TASOR2: variants seen among roughly 807,000 people sequenced by gnomAD.
The protein encoded by TASOR2 is protein TASOR 2.
In TASOR2, 84 loss-of-function variants were observed where a neutral mutation model predicts 199.5. The ratio of observed to expected loss-of-function variants is 0.42; its 90% CI spans 0.35 to 0.50. The LOEUF (loss-of-function observed/expected upper bound fraction) is 0.50, where lower values mean the gene tolerates loss of function less well. Among genes scored for constraint, TASOR2 ranks in the 20% least tolerant of loss-of-function variants. The pLI is 0.02. For synonymous variants in TASOR2, 1,103 were observed against 1,046.6 expected, an observed-to-expected ratio of 1.05 and a Z score of -1.04; for missense variants, 2,796 against 2,835.9, an observed-to-expected ratio of 0.99 and a Z score of 0.32.
intron 13 of TASOR2, 106 bp from the exon 15 acceptor site, chr10:5,741,991 T>TA: frequency 9.3e-7 from 1 of 1,078,422 alleles, no homozygotes; most frequent in Non-Finnish European, 1.3e-6. Context: ...ATTTTAAAAA[T>TA]AAAAACAAAA....
rs1833426968 is a variant in TASOR2 at position 5,722,048 on chromosome 10, G to A, written c.146+1078G>A. Among the ~76,000 whole-genome samples, 1 of 152,068 alleles carries A rather than the reference G, an allele frequency of 6.6e-6. No homozygotes were observed. Among genetic ancestry groups the A allele is most frequent in the Non-Finnish European group, 1.5e-5 (1 of 68,024 alleles). Reference sequence around the variant, plus strand: ...ATTGGAAATTGTTTTCTTTTTTTGTGAAGGAACTTAGTGAGACAGTTGGCA... The same window carrying A: ...ATTGGAAATTGTTTTCTTTTTTTGTAAAGGAACTTAGTGAGACAGTTGGCA... On this transcript the variant is annotated intron_variant, in intron 6 of 20. Transcript: ENST00000328090. This position sits in a 1 kb window ranked among gnomAD's most constrained non-coding sequence, Gnocchi z 4.0.
chr10:5,707,120 G>A lies in TASOR2; in HGVS notation c.-287-5703G>A, dbSNP rs945413271. Among the ~76,000 whole-genome samples the A allele has an allele frequency of 6.6e-5, 10 of 152,256 alleles. No individual in the cohort carries two copies. In the East Asian group the frequency reaches 9.6e-4, roughly 15 times the overall value. On this transcript the variant is annotated intron_variant, in intron 1 of 20. Transcript: ENST00000328090. ...CTATCCATGGCAGCAAAGAAAAAAGGAATTTGCTAAGTTATCTGATGCCAG... is the reference window on the plus strand; with the variant it reads ...CTATCCATGGCAGCAAAGAAAAAAGAAATTTGCTAAGTTATCTGATGCCAG...
rs79931489 is a variant in TASOR2 at position 5,706,969 on chromosome 10, G to A, written c.-287-5854G>A. 0.025 allele frequency among the ~76,000 whole-genome samples: 3,699 copies of A among 150,864 alleles called. 139 individuals are homozygous for A. The highest frequency in any genetic ancestry group is 0.11 in the Admixed American group (1,661 of 15,136). ...AGTGAACCAGAATCAAGCCACTTACGCTCCAGCCTGGGCCACGGAGCAAGA... is the reference window on the plus strand; with the variant it reads ...AGTGAACCAGAATCAAGCCACTTACACTCCAGCCTGGGCCACGGAGCAAGA... On this transcript the variant is annotated intron_variant, in intron 1 of 20. Coordinates refer to ENST00000328090, the Ensembl canonical transcript of TASOR2. This position sits in a 1 kb window ranked among gnomAD's most constrained non-coding sequence, Gnocchi z 4.8.
In TASOR2 at chr10:5,685,932, C is replaced by G. The variant is rs1406288098; in HGVS notation, c.-288+757C>G. ...ATCCAAAACTTAAATATGTGGCGTA[C>G]AAGTGTATGGTATTATTGGAATGGC... On this transcript the variant is annotated intron_variant, in intron 1 of 20. Transcript: ENST00000328090. This position sits in a 1 kb window ranked among gnomAD's most constrained non-coding sequence, Gnocchi z 5.4. Among the ~76,000 whole-genome samples, 1 of 152,112 alleles carries G rather than the reference C, an allele frequency of 6.6e-6. No homozygotes were observed. Among genetic ancestry groups the G allele is most frequent in the Admixed American group, 6.5e-5 (1 of 15,272 alleles).
chr10:5,748,059 A>G lies in TASOR2; in HGVS notation c.4638A>G (p.Val1546=). ...TCAGTCCTTCTCCTGAAAAACTGGT[A>G]AAATCAGGAAATCCATTGCAGCCAG... The change falls in exon 15 of 21, where the codon GTA becomes GTG. Residue 1546 remains valine (V), a synonymous_variant. Transcript: ENST00000328090. The surrounding 1 kb of genome is among the most constrained non-coding windows in gnomAD (Gnocchi z 5.1). 1.2e-6 allele frequency: 2 copies of G among 1,614,234 alleles called. No individual in the cohort carries two copies. Among genetic ancestry groups the G allele is most frequent in the Non-Finnish European group, 1.7e-6 (2 of 1,180,036 alleles).
At position 5,747,412 on chromosome 10, in the gene TASOR2, C is replaced by G. The variant is rs754146388; in HGVS notation, c.3991C>G (p.Leu1331Val). Residue 1331 changes from leucine (L) to valine (V), a missense_variant, in exon 15 of 21, where the codon CTC becomes GTC. Physicochemically the swap from Leu to Val is conservative, Grantham distance 32. Transcript: ENST00000328090. The stretch of plus-strand genomic sequence containing the variant: ...AATAGGTGAACCGGAAGAGGTGGCT[C>G]TCACAGAAAGCAGAGAAGTGAGTTC... 21 of 1,613,988 alleles carry G rather than the reference C, an allele frequency of 1.3e-5. 1 individual carries two copies. Among genetic ancestry groups the G allele is most frequent in the East Asian group, 8.9e-5 (4 of 44,894 alleles).
intron 1 of TASOR2, among the ~76,000 whole-genome samples, chr10:5,705,912 T>C (rs1048799146): frequency 6.6e-6 from 1 of 152,198 alleles, no homozygotes; most frequent in African/African-American, 2.4e-5. Flanking sequence ...AGGTCACTAA[T>C]TTTGTGCCCT....
intron 12 of TASOR2, among the ~76,000 whole-genome samples, chr10:5,739,260 A>G (rs1175907604): frequency 6.6e-6 from 1 of 152,124 alleles, no homozygotes; most frequent in Non-Finnish European, 1.5e-5. Flanking sequence ...TTTTGTTTGT[A>G]CATTTTTTGA....
chr10:5,728,983 G>T (rs909329724), intron 10 of TASOR2, among the ~76,000 whole-genome samples: 2 of 151,732 alleles, frequency 1.3e-5, no homozygotes, highest in African/African-American at 4.9e-5. Flanking sequence ...TTAACAAAGC[G>T]CAAGTTTAAA....
chr10:5,692,149 C>CAAAAAAAAAAAAAAAAA lies in TASOR2; in HGVS notation c.-288+6989_-288+6990insAAAAAAAAAAAAAAAAA, dbSNP rs3047334. On this transcript the variant is annotated intron_variant, in intron 1 of 20. Coordinates refer to ENST00000328090, the Ensembl canonical transcript of TASOR2. The stretch of plus-strand genomic sequence containing the variant: ...CAGATTGTGCCACTGCACTCTGTCT[C>CAAAAAAAAAAAAAAAAA]AAAAAAAAAAAAAAAGCCATATTCA... Among the ~76,000 whole-genome samples the CAAAAAAAAAAAAAAAAA allele has an allele frequency of 1.8e-5, 2 of 112,270 alleles. 1 individual carries two copies. 73.7% of individuals were successfully genotyped at this position (112,270 alleles called of 152,430 possible). A position where few individuals can be genotyped will look rare whatever the true frequency, so the allele number is the denominator to read the frequency against.
chr10:5,729,701 A>G (rs1446910324), intron 10 of TASOR2, among the ~76,000 whole-genome samples: 2 of 152,208 alleles, frequency 1.3e-5, no homozygotes, highest in Admixed American at 1.3e-4. Flanking sequence ...AGAATGGTAC[A>G]ATTTTTATTT....
exon 15 of TASOR2, chr10:5,746,597 A>G (rs1353922940): frequency 2.5e-6 from 4 of 1,614,220 alleles, no homozygotes; most frequent in East Asian, 4.5e-5. Context: ...TTTGAAAAAA[A>G]TGCACATGTA....
Position 5,737,524 on chromosome 10 carries a change from C to T in TASOR2, c.1447+1978C>T, listed in dbSNP as rs1310620066. On this transcript the variant is annotated intron_variant, in intron 12 of 20. Coordinates refer to ENST00000328090, the Ensembl canonical transcript of TASOR2. The surrounding 1 kb of genome is among the most constrained non-coding windows in gnomAD (Gnocchi z 4.9). ...TGTTGCCACCGTGCTCCTTCCCCTG[C>T]GGCCCTCTGTGCCTCCCCCAGGCAA... 1.3e-5 allele frequency among the ~76,000 whole-genome samples: 2 copies of T among 151,856 alleles called. No individual in the cohort carries two copies. The highest frequency in any genetic ancestry group is 6.6e-5 in the Admixed American group (1 of 15,248).
At chr10:5,746,546 T>C in exon 15 of TASOR2, 1 of 1,614,156 alleles carries the variant, frequency 6.2e-7, no homozygotes, top group Non-Finnish European at 8.5e-7. Flanking sequence ...GATGATAATA[T>C]GGGGTGTGCA....
At chr10:5,734,601 C>T (rs968059568) in intron 11 of TASOR2, among the ~76,000 whole-genome samples, 1 of 151,950 alleles carries the variant, frequency 6.6e-6, no homozygotes, top group African/African-American at 2.4e-5. Flanking sequence ...GTTTTAACCA[C>T]TTCACCTTAT....
At chr10:5,693,273 A>G (rs894064955) in intron 1 of TASOR2, among the ~76,000 whole-genome samples, 4 of 152,300 alleles carry the variant, frequency 2.6e-5, no homozygotes, top group Admixed American at 6.5e-5. Context: ...GTGTGTGCCT[A>G]TGTAAACCTA....
Position 5,737,257 on chromosome 10 carries a change from C to T in TASOR2, c.1447+1711C>T, listed in dbSNP as rs1835744910. Among the ~76,000 whole-genome samples, 3 of 152,006 alleles carry T rather than the reference C, an allele frequency of 2.0e-5. No individual in the cohort carries two copies. Among genetic ancestry groups the T allele is most frequent in the South Asian group, 4.2e-4 (2 of 4,818 alleles). ...CTGGGATTACAGGTGTGAGCCACCA[C>T]GCCCAGCCAGGTTTGTTTTTTTTAG... On this transcript the variant is annotated intron_variant, in intron 12 of 20. Transcript: ENST00000328090. The surrounding 1 kb of genome is among the most constrained non-coding windows in gnomAD (Gnocchi z 4.9).
intron 1 of TASOR2, chr10:5,712,026 G>T (rs1366437454): frequency 6.4e-6 from 1 of 155,108 alleles, no homozygotes; most frequent in African/African-American, 2.4e-5. Flanking sequence ...AACAAAGGAT[G>T]AAAAAAACTA....
rs1215320474 is a variant in TASOR2 at position 5,699,813 on chromosome 10, C to T, written c.-287-13010C>T. 1 of 844,412 alleles carries T rather than the reference C, an allele frequency of 1.2e-6. No homozygotes were observed. The highest frequency in any genetic ancestry group is 1.4e-6 in the Non-Finnish European group (1 of 701,882). 52.3% of individuals were successfully genotyped at this position (844,412 alleles called of 1,614,324 possible). A position where few individuals can be genotyped will look rare whatever the true frequency, so the allele number is the denominator to read the frequency against. ...ATAGACAGGAGAAAAATGAGTAAAA[C>T]AGGTACACATTTATTTTTATTGATG... On this transcript the variant is annotated intron_variant, in intron 1 of 20. Coordinates refer to ENST00000328090, the Ensembl canonical transcript of TASOR2. This position sits in a 1 kb window ranked among gnomAD's most constrained non-coding sequence, Gnocchi z 4.1.
Sources: gnomAD v4.1 joint callset for allele counts (sites outside exome capture counted in the v4.1 genomes callset) on GRCh38, gnomAD v4.1.1 for gene constraint, Gnocchi (gnomAD v3.1) non-coding constraint, MANE v1.5 for transcripts, NCBI Gene and HGNC (gene_info 2026-07-23, HGNC 2026-07-21) for gene names.